Variants in LURAP1 observed in about 807,000 individuals in gnomAD.
The protein encoded by LURAP1 is NF-kappa-B activator C1orf190.
In LURAP1, 14 loss-of-function variants were observed where a neutral mutation model predicts 19.0. That is an observed-to-expected ratio of 0.74 (90% confidence interval 0.49 to 1.15). The LOEUF (loss-of-function observed/expected upper bound fraction) is 1.15. Ranked by LOEUF, LURAP1 falls within the 50% of genes most tolerant of loss-of-function variation. The pLI, the probability that LURAP1 is intolerant of heterozygous loss-of-function variation, is 0.00. For synonymous variants in LURAP1, 129 were observed against 131.8 expected (o/e 0.98, Z 0.14); for missense variants, 273 against 309.1 (o/e 0.88, Z 0.87).
Position 46,203,513 on chromosome 1 carries a change from C to A in LURAP1, c.87C>A (p.Arg29=), listed in dbSNP as rs766172760. ...GGAAGACCCCTGAAGGGCTGCTCCG[C>A]GGGCTGCGAGGCGAGTGTGAGCTGG... is the stretch of plus-strand genomic sequence containing the variant. The part of the protein sequence containing the change: ...VGRKTPEGLL[R]GLRGECELGT... Residue 29 remains arginine, a synonymous_variant, in exon 1 of 2, where the codon CGC becomes CGA. Coordinates refer to ENST00000371980, the MANE Select transcript of LURAP1 (RefSeq NM_001013615.3). 1.9e-6 allele frequency: 3 copies of A among 1,559,552 alleles called. No individual in the cohort carries two copies. The highest frequency in any genetic ancestry group is 2.6e-6 in the Non-Finnish European group (3 of 1,154,894).
intron 1 of LURAP1, among the ~76,000 whole-genome samples, chr1:46,219,450 A>G (rs1360436651): frequency 6.6e-6 from 1 of 152,154 alleles, no homozygotes; most frequent in Non-Finnish European, 1.5e-5. Context: ...CTACCCTGTG[A>G]GGTAAGTGAT....
intron 1 of LURAP1, among the ~76,000 whole-genome samples, chr1:46,210,443 G>A (rs1242887238): frequency 6.6e-6 from 1 of 152,180 alleles, no homozygotes; most frequent in Admixed American, 6.5e-5. Flanking sequence ...TGGAGACAGT[G>A]TCACATCCCA....
intron 1 of LURAP1, among the ~76,000 whole-genome samples, chr1:46,218,025 G>C (rs1041770491): frequency 6.6e-6 from 1 of 152,140 alleles, no homozygotes; most frequent in African/African-American, 2.4e-5. Flanking sequence ...TGGGAAGTAG[G>C]ACCAGGATGG....
intron 1 of LURAP1, among the ~76,000 whole-genome samples, chr1:46,209,891 G>A (rs1180487972): frequency 6.6e-6 from 1 of 152,154 alleles, no homozygotes; most frequent in Non-Finnish European, 1.5e-5. Context: ...GGGGAAAACA[G>A]CAGGACAAGT....
intron 1 of LURAP1, among the ~76,000 whole-genome samples, chr1:46,209,149 C>G (rs1162022287): frequency 1.3e-5 from 2 of 152,142 alleles, no homozygotes; most frequent in Non-Finnish European, 2.9e-5. Flanking sequence ...CTCAGCTTCC[C>G]AAGTAGCTGG....
At position 46,203,438 on chromosome 1, in the gene LURAP1, C is replaced by T; in HGVS notation, c.12C>T (p.Thr4=). ...AGGCTTGGGCCCGCATGGAGGGGAC[C>T]GTGGAGTCCCAGACGCCTGACCTGC... The part of the protein sequence containing the change: MEG[T]VESQTPDLRD... Residue 4 remains threonine (T), a synonymous_variant, in exon 1 of 2, where the codon ACC becomes ACT. Transcript: ENST00000371980. The T allele has an allele frequency of 6.8e-7, 1 of 1,474,602 alleles. No individual in the cohort carries two copies. The highest frequency in any genetic ancestry group is 2.5e-5 in the Admixed American group (1 of 40,104). 91.3% of individuals were successfully genotyped at this position (1,474,602 alleles called of 1,614,324 possible).
intron 1 of LURAP1, among the ~76,000 whole-genome samples, chr1:46,215,460 A>G (rs951909445): frequency 6.6e-6 from 1 of 152,254 alleles, no homozygotes; most frequent in Admixed American, 6.5e-5. Flanking sequence ...AAAATAACCC[A>G]CACCATGGCA....
At position 46,220,178 on chromosome 1, in the gene LURAP1, C is replaced by T; in HGVS notation, c.678C>T (p.His226=). The change falls in exon 2 of 2, where the codon CAC becomes CAT. Residue 226 remains histidine (H), a synonymous_variant. Coordinates refer to ENST00000371980, the MANE Select transcript of LURAP1 (RefSeq NM_001013615.3). ...DESAKLGFEA[H]WFWEQCQDDV... ...GTGCCAAGCTGGGCTTCGAGGCCCA[C>T]TGGTTCTGGGAGCAGTGCCAGGATG... 6.2e-7 allele frequency: 1 copy of T among 1,613,922 alleles called. No individual in the cohort carries two copies. Among genetic ancestry groups the T allele is most frequent in the Non-Finnish European group, 8.5e-7 (1 of 1,179,962 alleles).
intron 1 of LURAP1, among the ~76,000 whole-genome samples, chr1:46,216,079 C>T (rs1659057550): frequency 9.2e-6 from 1 of 108,958 alleles, no homozygotes; most frequent in Admixed American, 1.4e-4. Flanking sequence ...GACGGAGTCT[C>T]GCTGTTGCCC....
At chr1:46,210,666 T>C (rs1300835050) in intron 1 of LURAP1, among the ~76,000 whole-genome samples, 1 of 152,194 alleles carries the variant, frequency 6.6e-6, no homozygotes, top group East Asian at 1.9e-4. Context: ...GATGAAGAGA[T>C]GCATGGGGCA....
intron 1 of LURAP1, among the ~76,000 whole-genome samples, chr1:46,214,635 G>A (rs1659007735): frequency 6.6e-6 from 1 of 152,058 alleles, no homozygotes; most frequent in Non-Finnish European, 1.5e-5. Context: ...GGGAGGCCAA[G>A]GCAGTGGATC....
chr1:46,212,842 C>T (rs995071860), intron 1 of LURAP1, among the ~76,000 whole-genome samples: 3 of 152,104 alleles, frequency 2.0e-5, no homozygotes, highest in African/African-American at 7.2e-5. Flanking sequence ...TCACTGCAAG[C>T]TCCACCTCCC....
At position 46,219,668 on chromosome 1, in the gene LURAP1, C is replaced by G. The variant is rs201625927; in HGVS notation, c.199-31C>G. The G allele has an allele frequency of 3.4e-5, 53 of 1,540,740 alleles. No individual in the cohort carries two copies. The Admixed American group carries it at 7.7e-4, about 22-fold the overall frequency. ...CGCTGGGGAAACCCATGCCCCAGAA[C>G]TGGGACTAATTCCTTCTCCCACTCC... On this transcript the variant is annotated intron_variant, in intron 1 of 1. Coordinates refer to ENST00000371980, the MANE Select transcript of LURAP1 (RefSeq NM_001013615.3).
intron 1 of LURAP1, among the ~76,000 whole-genome samples, chr1:46,215,142 C>T (rs1186500853): frequency 2.7e-5 from 4 of 148,624 alleles, no homozygotes; most frequent in Non-Finnish European, 5.9e-5. Context: ...AGGAGAATGG[C>T]GTGAACCCGG....
intron 1 of LURAP1, among the ~76,000 whole-genome samples, chr1:46,207,957 T>C (rs1300987542): frequency 6.6e-6 from 1 of 151,996 alleles, no homozygotes; most frequent in Non-Finnish European, 1.5e-5. Context: ...AACCTCTGCC[T>C]CCCGGGTTCA....
rs45555937 is a variant in LURAP1 at position 46,220,615 on chromosome 1, T to A, written c.*395T>A. 0.066 allele frequency: 10,367 copies of A among 157,558 alleles called. 399 individuals are homozygous for A. Among genetic ancestry groups the A allele is most frequent in the African/African-American group, 0.1 (4,189 of 41,498 alleles). The allele number at this position is 157,558 out of a possible 1,614,324, so 9.8% of individuals were successfully genotyped here. On this transcript the variant is annotated 3_prime_UTR_variant, in exon 2 of 2. Transcript: ENST00000371980. ...CAGCTAATTGTTTATTTATTTATTT[T>A]TTTTTTGTAGAGATAGGGTTTCCCT... is the stretch of plus-strand genomic sequence containing the variant.
intron 1 of LURAP1, among the ~76,000 whole-genome samples, chr1:46,215,789 T>G (rs970968718): frequency 6.6e-6 from 1 of 151,964 alleles, no homozygotes; most frequent in African/African-American, 2.4e-5. Context: ...TCCAGCTACT[T>G]AGGAGGCTGA....
At chr1:46,204,849 A>G (rs939066870) in intron 1 of LURAP1, among the ~76,000 whole-genome samples, 2 of 152,232 alleles carry the variant, frequency 1.3e-5, no homozygotes, top group Admixed American at 6.5e-5. Flanking sequence ...TAGACTGTCT[A>G]CTTGCTTTGA....
chr1:46,205,443 G>A (rs1658681048), intron 1 of LURAP1, among the ~76,000 whole-genome samples: 5 of 152,190 alleles, frequency 3.3e-5, no homozygotes, highest in Non-Finnish European at 7.3e-5. Flanking sequence ...CCTGCTTTGT[G>A]CCAGATAGTC....
Sources: allele counts gnomAD v4.1 joint callset (sites outside exome capture counted in the v4.1 genomes callset), GRCh38; gene constraint gnomAD v4.1.1; transcripts MANE v1.5; gene names NCBI Gene and HGNC (gene_info 2026-07-23, HGNC 2026-07-21).